The following CPEB2 variants were observed in gnomAD, a reference collection of about 807,000 sequenced individuals.
The protein encoded by CPEB2 is cytoplasmic polyadenylation element-binding protein 2.
Under a neutral mutation model 93.6 loss-of-function variants are expected in CPEB2, and 56 were observed. The ratio of observed to expected loss-of-function variants is 0.60; its 90% CI spans 0.48 to 0.75. The LOEUF (loss-of-function observed/expected upper bound fraction) is 0.75. Ranked by LOEUF, CPEB2 falls within the 30% of genes least tolerant of loss-of-function variation. The probability of loss-of-function intolerance (pLI) is 0.00; values close to 1 mark genes in which losing one functional copy is unlikely to be tolerated. For synonymous variants in CPEB2, 764 were observed against 586.3 expected, an observed-to-expected ratio of 1.30 and a Z score of -4.38; for missense variants, 1,579 against 1,395.1, an observed-to-expected ratio of 1.13 and a Z score of -2.10.
chr4:15,037,232 G>T (rs778919445), intron 5 of CPEB2, among the ~76,000 whole-genome samples: 1 of 151,858 alleles, frequency 6.6e-6, no homozygotes, highest in Non-Finnish European at 1.5e-5. Flanking sequence ...AACCCCGGGA[G>T]TTGGAGCTTG....
chr4:15,002,484 ACGGCGGCGG>A lies in CPEB2; in HGVS notation c.-181_-173del, dbSNP rs907564636. 133 of 487,676 alleles carry A rather than the reference ACGGCGGCGG, an allele frequency of 2.7e-4. 1 individual carries two copies. The highest frequency in any genetic ancestry group is 1.0e-3 in the Middle Eastern group (2 of 1,922). The allele number at this position is 487,676 out of a possible 1,614,324, so 30.2% of individuals were successfully genotyped here. A position where few individuals can be genotyped will look rare whatever the true frequency, so the allele number is the denominator to read the frequency against. On this transcript the variant is annotated 5_prime_UTR_variant, in exon 1 of 12. Coordinates refer to ENST00000538197, the MANE Select transcript of CPEB2 (RefSeq NM_001177382.2). ...GGCCAGGGCGGCTACGGCGACTGCG[ACGGCGGCGG>A]CGGCGGCGATCGCCGCGAGGGGTGG...
At chr4:15,041,471 C>T (rs990509521) in intron 6 of CPEB2, among the ~76,000 whole-genome samples, 5 of 151,442 alleles carry the variant, frequency 3.3e-5, no homozygotes, top group Admixed American at 6.6e-5. Context: ...GGCGCGATCT[C>T]GGCTCACCAC....
At chr4:15,028,183 A>G (rs932858239) in intron 4 of CPEB2, among the ~76,000 whole-genome samples, 6 of 152,250 alleles carry the variant, frequency 3.9e-5, no homozygotes, top group Admixed American at 1.3e-4. Flanking sequence ...CATTTCCTCT[A>G]TTAACTCATT....
intron 7 of CPEB2, among the ~76,000 whole-genome samples, chr4:15,053,013 T>A (rs1728375545): frequency 6.9e-6 from 1 of 144,930 alleles, no homozygotes; most frequent in African/African-American, 2.7e-5. Context: ...TTATTTTTAT[T>A]TATTTATTTA....
Position 15,061,870 on chromosome 4 carries a change from TAGGTAGATGTG to T in CPEB2, c.2696-207_2696-197del, listed in dbSNP as rs369416035. Reference sequence around the variant, plus strand: ...TATATAGTGGGTTTAGTGCTGTAAGTAGGTAGATGTGATGGTGGTGAGTCACTTTATAGTTT... The same window carrying T: ...TATATAGTGGGTTTAGTGCTGTAAGTATGGTGGTGAGTCACTTTATAGTTT... On this transcript the variant is annotated intron_variant, in intron 10 of 11. Coordinates refer to ENST00000538197, the MANE Select transcript of CPEB2 (RefSeq NM_001177382.2). 5.6e-3 allele frequency among the ~76,000 whole-genome samples: 830 copies of T among 148,486 alleles called. 7 individuals are homozygous for T. The highest frequency in any genetic ancestry group is 0.02 in the African/African-American group (788 of 40,152).
At chr4:15,024,402 T>C (rs1245056845) in intron 4 of CPEB2, among the ~76,000 whole-genome samples, 2 of 152,206 alleles carry the variant, frequency 1.3e-5, no homozygotes, top group Non-Finnish European at 2.9e-5. Flanking sequence ...ACTATGGAAT[T>C]ATATATTAGC....
In CPEB2 at chr4:15,016,311, C is replaced by A. The variant is rs541190577; in HGVS notation, c.2035-877C>A. Among the ~76,000 whole-genome samples the A allele has an allele frequency of 4.6e-5, 7 of 152,116 alleles. No homozygotes were observed. The South Asian group carries it at 1.2e-3, about 27-fold the overall frequency. On this transcript the variant is annotated intron_variant, in intron 3 of 11. Coordinates refer to ENST00000538197, the MANE Select transcript of CPEB2 (RefSeq NM_001177382.2). ...TGGAGGGCATGGGCCAGAGCTTCCT[C>A]TAGTAGTTCACCACATACCTTTTTT... is the stretch of plus-strand genomic sequence containing the variant.
intron 1 of CPEB2, chr4:15,005,100 G>C (rs1223810725): frequency 6.6e-6 from 1 of 152,194 alleles, no homozygotes; most frequent in African/African-American, 2.4e-5. Flanking sequence ...GGGAGCGGCC[G>C]ACCGCCCTCC....
chr4:15,008,196 TTTTG>T (rs989477278), intron 2 of CPEB2, 138 bp from the exon 3 acceptor site: 152 of 485,640 alleles, frequency 3.1e-4, no homozygotes, highest in African/African-American at 2.8e-3. Context: ...TTTTGTTTTG[TTTTG>T]TTTTTTTCTT....
chr4:15,045,580 AAAATC>A (rs2109061781), intron 6 of CPEB2, among the ~76,000 whole-genome samples: 1 of 152,266 alleles, frequency 6.6e-6, no homozygotes, highest in Non-Finnish European at 1.5e-5. Flanking sequence ...GATAATTTCT[AAAATC>A]AAAAAGCAGA....
intron 5 of CPEB2, among the ~76,000 whole-genome samples, chr4:15,036,288 G>C (rs574099683): frequency 2.0e-5 from 3 of 152,160 alleles, no homozygotes; most frequent in African/African-American, 7.2e-5. Context: ...GTCTCCTTCC[G>C]AACAGACCAT....
At chr4:15,042,642 G>C (rs77420819) in intron 6 of CPEB2, among the ~76,000 whole-genome samples, 2 of 152,116 alleles carry the variant, frequency 1.3e-5, no homozygotes, top group African/African-American at 4.8e-5. Flanking sequence ...GATTGTGAGA[G>C]TCACGTGAAA....
At position 15,058,480 on chromosome 4, in the gene CPEB2, A is replaced by G; in HGVS notation, c.2521A>G (p.Ile841Val). ...SSVQALIDAC[I>V]EEDGKLYLCV... ...AGTTCAGGCACTCATTGATGCTTGT[A>G]TTGAAGAAGATGGAAAACTCTATCT... The change falls in exon 9 of 12, where the codon ATT becomes GTT. Residue 841 changes from isoleucine to valine, a missense_variant. Physicochemically the swap from Ile to Val is conservative, Grantham distance 29. Transcript: ENST00000538197. 1.2e-6 allele frequency: 2 copies of G among 1,613,162 alleles called. No homozygotes were observed. The highest frequency in any genetic ancestry group is 1.7e-6 in the Non-Finnish European group (2 of 1,179,264).
At chr4:15,039,749 A>G (rs935253564) in intron 5 of CPEB2, among the ~76,000 whole-genome samples, 12 of 152,226 alleles carry the variant, frequency 7.9e-5, no homozygotes, top group Middle Eastern at 3.4e-3. Context: ...CATATGTACT[A>G]TTCCATGATT....
intron 6 of CPEB2, among the ~76,000 whole-genome samples, chr4:15,045,501 C>G (rs1236530305): frequency 3.9e-5 from 6 of 151,908 alleles, no homozygotes; most frequent in Non-Finnish European, 7.4e-5. Context: ...GTAGTAGGGT[C>G]AATAATTTTG....
In CPEB2 at chr4:15,005,710, G is replaced by A. The variant is rs183530848; in HGVS notation, c.1662+1375G>A. Among the ~76,000 whole-genome samples the A allele has an allele frequency of 1.3e-3, 194 of 152,284 alleles. 1 individual carries two copies. The highest frequency in any genetic ancestry group is 1.2e-3 in the East Asian group (6 of 5,184). ...AAATTAACCCAAGTGAAAGTTAACA[G>A]TTTATCTAAGTTAACCAAAGTGACA... On this transcript the variant is annotated intron_variant, in intron 1 of 11. Coordinates refer to ENST00000538197, the MANE Select transcript of CPEB2 (RefSeq NM_001177382.2).
intron 5 of CPEB2, among the ~76,000 whole-genome samples, chr4:15,036,705 G>A (rs1040160000): frequency 1.3e-5 from 2 of 152,126 alleles, no homozygotes; most frequent in Non-Finnish European, 2.9e-5. Flanking sequence ...AGAAGTATTG[G>A]TGGCCAGGAG....
chr4:15,030,502 G>A (rs1305667334), intron 4 of CPEB2, among the ~76,000 whole-genome samples: 2 of 152,158 alleles, frequency 1.3e-5, no homozygotes, highest in East Asian at 3.9e-4. Flanking sequence ...AAAGCTCCTG[G>A]CTCAGAGTAT....
chr4:15,002,920 T>C lies in CPEB2; in HGVS notation c.247T>C (p.Ser83Pro), dbSNP rs1461929367. ...AGSPAAAASSSSPFLAHQQTM... is the reference protein window; with the variant it reads ...AGSPAAAASSPSPFLAHQQTM... Reference sequence around the variant, plus strand: ...CAGCCCGGCCGCCGCCGCTTCCTCTTCCTCCCCGTTCCTGGCGCATCAGCA... The same window carrying C: ...CAGCCCGGCCGCCGCCGCTTCCTCTCCCTCCCCGTTCCTGGCGCATCAGCA... The change falls in exon 1 of 12, where the codon TCC becomes CCC. Residue 83 changes from serine (S) to proline (P), a missense_variant. Ser to Pro is a moderately conservative substitution (Grantham distance 74). Transcript: ENST00000538197. 8 of 1,513,174 alleles carry C rather than the reference T, an allele frequency of 5.3e-6. No individual in the cohort carries two copies. The highest frequency in any genetic ancestry group is 7.0e-6 in the Non-Finnish European group (8 of 1,140,950). 93.7% of individuals were successfully genotyped at this position (1,513,174 alleles called of 1,614,324 possible).
Sources: gnomAD v4.1 joint callset for allele counts (sites outside exome capture counted in the v4.1 genomes callset) on GRCh38, gnomAD v4.1.1 for gene constraint, MANE v1.5 for transcripts, NCBI Gene and HGNC (gene_info 2026-07-23, HGNC 2026-07-21) for gene names.